Variants in BMP2K observed in about 807,000 individuals in gnomAD.
BMP2K encodes BMP2 inducible kinase, also known as BMP-2-inducible protein kinase.
In BMP2K, 74 loss-of-function variants were observed where a neutral mutation model predicts 116.0. The ratio of observed to expected loss-of-function variants is 0.64; its 90% CI spans 0.53 to 0.77. The LOEUF is 0.77. Among genes scored for constraint, BMP2K ranks in the 30% least tolerant of loss-of-function variants. BMP2K has a pLI of 0.00. For synonymous variants in BMP2K, 486 were observed against 502.5 expected, an observed-to-expected ratio of 0.97 and a Z score of 0.44; for missense variants, 1,365 against 1,403.6, an observed-to-expected ratio of 0.97 and a Z score of 0.44.
At chr4:78,811,087 C>T (rs1408411717) in intron 1 of BMP2K, among the ~76,000 whole-genome samples, 1 of 152,186 alleles carries the variant, frequency 6.6e-6, no homozygotes, top group African/African-American at 2.4e-5. Flanking sequence ...TTTCTAATTT[C>T]CCTGCATGTA....
In BMP2K at chr4:78,911,386, A is replaced by C; in HGVS notation, c.2839A>C (p.Ser947Arg). Reference protein sequence around the residue: ...FQPFLTSTSKSESNEDLFGLV... With the variant: ...FQPFLTSTSKRESNEDLFGLV... The stretch of plus-strand genomic sequence containing the variant: ...GCCCTTCCTCACATCAACAAGTAAA[A>C]GTGAAAGCAATGAGGACCTTTTTGG... The change falls in exon 16 of 16, where the codon AGT (serine) becomes CGT (arginine). Residue 947 changes from serine to arginine, a missense_variant. Coordinates refer to ENST00000502613, the MANE Select transcript of BMP2K (RefSeq NM_198892.2). 6.2e-7 allele frequency: 1 copy of C among 1,613,998 alleles called. No individual in the cohort carries two copies. The highest frequency in any genetic ancestry group is 1.6e-4 in the Middle Eastern group (1 of 6,062).
At chr4:78,884,556 G>A (rs1295469630) in intron 14 of BMP2K, among the ~76,000 whole-genome samples, 11 of 152,018 alleles carry the variant, frequency 7.2e-5, no homozygotes. Context: ...CAGGAATGAG[G>A]GCCCTTGGAT....
chr4:78,888,120 C>G (rs1424585359), intron 15 of BMP2K: 2 of 152,170 alleles, frequency 1.3e-5, no homozygotes, highest in Admixed American at 1.3e-4. Flanking sequence ...CATTGAACAG[C>G]TTTTCAACAT....
rs79873450 is a variant in BMP2K, at chr4:78,891,632, A to G, written c.2062+4348A>G. 5.6e-3 allele frequency among the ~76,000 whole-genome samples: 850 copies of G among 152,280 alleles called. 11 individuals carry two copies. Among genetic ancestry groups the G allele is most frequent in the African/African-American group, 0.019 (805 of 41,566 alleles). ...CTTTATATTACAGACATTATTTCTGATTGCAAATAACATATTATTGGATGC... is the reference window on the plus strand; with the variant it reads ...CTTTATATTACAGACATTATTTCTGGTTGCAAATAACATATTATTGGATGC... On this transcript the variant is annotated intron_variant, in intron 15 of 15. Transcript: ENST00000502613.
intron 1 of BMP2K, among the ~76,000 whole-genome samples, chr4:78,811,771 C>A (rs1035638441): frequency 2.0e-5 from 3 of 152,084 alleles, no homozygotes; most frequent in Non-Finnish European, 4.4e-5. Flanking sequence ...ACATTTCTCT[C>A]GGCCAATTTA....
Position 78,870,928 on chromosome 4 carries a change from CCAGCAG to C in BMP2K, c.1398_1403del (p.Gln485_Gln486del), listed in dbSNP as rs3063772. On this transcript the variant is annotated inframe_deletion, in exon 11 of 16. Coordinates refer to ENST00000502613, the MANE Select transcript of BMP2K (RefSeq NM_198892.2). ...TCCATTTACAGCATCGTCATCCTCACCAGCAGCAGCAGCAGCAGCAGCAGCAACAGC... is the reference window on the plus strand; with the variant it reads ...TCCATTTACAGCATCGTCATCCTCACCAGCAGCAGCAGCAGCAGCAACAGC... 3.7e-5 allele frequency: 59 copies of C among 1,599,088 alleles called. No homozygotes were observed. Among genetic ancestry groups the C allele is most frequent in the Admixed American group, 1.7e-4 (10 of 59,238 alleles).
chr4:78,840,894 T>C (rs1349669161), intron 3 of BMP2K, among the ~76,000 whole-genome samples: 1 of 152,180 alleles, frequency 6.6e-6, no homozygotes, highest in African/African-American at 2.4e-5. Flanking sequence ...TCTTTAGCTA[T>C]GATATGATAT....
intron 1 of BMP2K, among the ~76,000 whole-genome samples, chr4:78,823,542 ATATATAGTTATATATAGT>A (rs1021533098): frequency 1.4e-4 from 21 of 147,656 alleles, no homozygotes; most frequent in African/African-American, 4.2e-4. Flanking sequence ...ATATGGTTAT[ATATATAGTTATATATAGT>A]TATATAGTTA....
rs570193733 is a variant in BMP2K at position 78,912,835 on chromosome 4, G to T, written c.*802G>T. ...ATATGAAGAGAAATATCTGACATTT[G>T]TAAAGAAATTATAAGAAGAAAAAAA... On this transcript the variant is annotated 3_prime_UTR_variant, in exon 16 of 16. Transcript: ENST00000502613. 41 of 152,178 alleles carry T rather than the reference G, an allele frequency of 2.7e-4. 1 individual carries two copies. The highest frequency in any genetic ancestry group is 9.9e-4 in the African/African-American group (41 of 41,534). The allele number at this position is 152,178 out of a possible 1,614,324, so 9.4% of individuals were successfully genotyped here.
chr4:78,786,753 A>G (rs74989516), intron 1 of BMP2K, among the ~76,000 whole-genome samples: 4,422 of 152,232 alleles, frequency 0.029, 208 homozygotes, highest in African/African-American at 0.1. Flanking sequence ...TCTACAACCA[A>G]ATAAGTGTAA....
rs144396305 is a variant in BMP2K at position 78,844,852 on chromosome 4, C to T, written c.547-76C>T. On this transcript the variant is annotated intron_variant, in intron 4 of 15. Transcript: ENST00000502613. ...AAATAAGCTTCGTATGTACAAATAA[C>T]CATTTTTTACAAAGATTGTAAAAAG... The T allele has an allele frequency of 2.2e-3, 2,917 of 1,334,064 alleles. 64 individuals are homozygous for T. The African/African-American group carries it at 0.037, about 17-fold the overall frequency. The allele number at this position is 1,334,064 out of a possible 1,614,324, so 82.6% of individuals were successfully genotyped here. A position where few individuals can be genotyped will look rare whatever the true frequency, so the allele number is the denominator to read the frequency against.
intron 15 of BMP2K, among the ~76,000 whole-genome samples, chr4:78,889,957 A>G (rs561681917): frequency 6.6e-6 from 1 of 152,348 alleles, no homozygotes; most frequent in South Asian, 2.1e-4. Context: ...TCCTGAATCT[A>G]GTGTTCCTTA....
intron 14 of BMP2K, among the ~76,000 whole-genome samples, chr4:78,880,177 A>G (rs921427962): frequency 1.3e-5 from 2 of 152,194 alleles, no homozygotes; most frequent in Non-Finnish European, 2.9e-5. Flanking sequence ...GGTTCAAGCA[A>G]TTCTCCTGCC....
At chr4:78,886,136 T>C (rs187940936) in intron 14 of BMP2K, among the ~76,000 whole-genome samples, 121 of 152,230 alleles carry the variant, frequency 7.9e-4, no homozygotes, top group African/African-American at 2.7e-3. Context: ...GCTGGGATTA[T>C]AGGTGTGAGC....
At chr4:78,812,565 C>T (rs1383860380) in intron 1 of BMP2K, among the ~76,000 whole-genome samples, 2 of 152,142 alleles carry the variant, frequency 1.3e-5, no homozygotes, top group Non-Finnish European at 2.9e-5. Flanking sequence ...AAATTTTACC[C>T]TACTAAGTCT....
At chr4:78,779,128 C>T (rs1434847368) in intron 1 of BMP2K, among the ~76,000 whole-genome samples, 1 of 152,154 alleles carries the variant, frequency 6.6e-6, no homozygotes, top group South Asian at 2.1e-4. Context: ...CAAAAAGTCA[C>T]CGTGAAAACT....
intron 1 of BMP2K, among the ~76,000 whole-genome samples, chr4:78,803,885 T>C (rs1728690176): frequency 6.6e-6 from 1 of 152,218 alleles, no homozygotes; most frequent in African/African-American, 2.4e-5. Flanking sequence ...AACTTCATAT[T>C]CTGAGATCTG....
chr4:78,824,432 C>A (rs1729774809), intron 1 of BMP2K, among the ~76,000 whole-genome samples: 1 of 152,162 alleles, frequency 6.6e-6, no homozygotes, highest in Non-Finnish European at 1.5e-5. Context: ...TGGTGGCAGG[C>A]AAGAGAGCTT....
intron 15 of BMP2K, among the ~76,000 whole-genome samples, chr4:78,904,506 A>AT (rs1398713399): frequency 2.0e-5 from 3 of 151,926 alleles, no homozygotes; most frequent in Admixed American, 2.0e-4. Context: ...ACACAAGATA[A>AT]TTTAAAACTT....
Sources: gnomAD v4.1 joint callset for allele counts (sites outside exome capture counted in the v4.1 genomes callset) on GRCh38, gnomAD v4.1.1 for gene constraint, MANE v1.5 for transcripts, NCBI Gene and HGNC (gene_info 2026-07-23, HGNC 2026-07-21) for gene names.